ANKRD55: variants seen among roughly 807,000 people sequenced by gnomAD.
The protein encoded by ANKRD55 is ankyrin repeat domain-containing protein 55.
A neutral mutation model predicts 60.6 loss-of-function variants in ANKRD55; 41 were observed. The observed-to-expected ratio is 0.68, with a 90% confidence interval of 0.53 to 0.88. The LOEUF (loss-of-function observed/expected upper bound fraction) is 0.88. Ranked by LOEUF, ANKRD55 falls within the 40% of genes least tolerant of loss-of-function variation. The pLI is 0.00. For synonymous variants in ANKRD55, 264 were observed against 290.3 expected (o/e 0.91, Z 0.92); for missense variants, 732 against 767.6 (o/e 0.95, Z 0.55).
intron 2 of ANKRD55, among the ~76,000 whole-genome samples, chr5:56,200,383 A>G (rs899178020): frequency 6.6e-6 from 1 of 152,180 alleles, no homozygotes; most frequent in Non-Finnish European, 1.5e-5. Context: ...GGAAGAATAG[A>G]CAGCCTTAAG....
At chr5:56,102,004 T>TC (rs1554035649) in intron 11 of ANKRD55, among the ~76,000 whole-genome samples, 2 of 151,934 alleles carry the variant, frequency 1.3e-5, no homozygotes, top group Admixed American at 1.3e-4. Flanking sequence ...GTTATTTTTT[T>TC]AAAAAAAATA....
intron 7 of ANKRD55, among the ~76,000 whole-genome samples, chr5:56,134,629 A>G (rs909781629): frequency 6.6e-6 from 1 of 152,106 alleles, no homozygotes; most frequent in Non-Finnish European, 1.5e-5. Context: ...ATAACCTTCT[A>G]AAATGGAAAT....
intron 5 of ANKRD55, among the ~76,000 whole-genome samples, chr5:56,163,538 A>T (rs1758381615): frequency 6.6e-6 from 1 of 152,142 alleles, no homozygotes; most frequent in Non-Finnish European, 1.5e-5. Flanking sequence ...AGGTGCCAGT[A>T]CAGCAGGCTT....
rs375265508 is a variant in ANKRD55, at chr5:56,159,955, C to A, written c.423-62G>T. The A allele has an allele frequency of 7.3e-5, 107 of 1,471,076 alleles. No homozygotes were observed. The African/African-American group carries it at 1.4e-3, about 19-fold the overall frequency. The allele number at this position is 1,471,076 out of a possible 1,614,324, so 91.1% of individuals were successfully genotyped here. On this transcript the variant is annotated intron_variant, in intron 5 of 11. Coordinates refer to ENST00000341048, the MANE Select transcript of ANKRD55 (RefSeq NM_024669.3). ...CAGGCAGTCACGGTGCTCTTGGAAT[C>A]GGTATAAAAACATGACCTTAGAAAA...
intron 4 of ANKRD55, among the ~76,000 whole-genome samples, chr5:56,173,961 C>G (rs896087518): frequency 1.3e-5 from 2 of 152,114 alleles, no homozygotes; most frequent in Non-Finnish European, 2.9e-5. Flanking sequence ...CGACATTTTT[C>G]TTTAATTCTT....
intron 11 of ANKRD55, among the ~76,000 whole-genome samples, chr5:56,101,922 A>C (rs1323741066): frequency 2.0e-5 from 3 of 152,172 alleles, no homozygotes. Context: ...AAAGACATTA[A>C]ATAATACATG....
intron 11 of ANKRD55, among the ~76,000 whole-genome samples, chr5:56,102,097 G>T (rs1489734767): frequency 1.3e-5 from 2 of 152,088 alleles, no homozygotes; most frequent in Non-Finnish European, 2.9e-5. Context: ...CTTGAAAAAT[G>T]AAAGTAGGGC....
chr5:56,125,163 G>C lies in ANKRD55; in HGVS notation c.797+1759C>G, dbSNP rs143336460. On this transcript the variant is annotated intron_variant, in intron 8 of 11. Transcript: ENST00000341048. ...CCCTCAGCCTGCCTTTCTGAAATTT[G>C]TTCTTTTTTTAAAAAATGGTTAATT... 4.2e-3 allele frequency among the ~76,000 whole-genome samples: 631 copies of C among 152,044 alleles called. 4 individuals are homozygous for C. Among genetic ancestry groups the C allele is most frequent in the African/African-American group, 0.012 (509 of 41,460 alleles).
chr5:56,194,753 G>T (rs1759191488), intron 2 of ANKRD55, among the ~76,000 whole-genome samples: 1 of 152,114 alleles, frequency 6.6e-6, no homozygotes. Context: ...TTTACCCATT[G>T]TTAATTATGG....
At chr5:56,104,150 T>A (rs2111656271) in intron 10 of ANKRD55, among the ~76,000 whole-genome samples, 1 of 152,380 alleles carries the variant, frequency 6.6e-6, no homozygotes, top group East Asian at 1.9e-4. Flanking sequence ...ATAATAATTT[T>A]GAGTTATGTT....
chr5:56,111,033 G>A (rs1243848787), intron 10 of ANKRD55, 85 bp downstream of exon 10: 1 of 1,466,030 alleles, frequency 6.8e-7, no homozygotes, highest in Non-Finnish European at 9.2e-7. Flanking sequence ...CTAGGCTATT[G>A]TCACTCCAGT....
chr5:56,232,813 A>G (rs1229750481), intron 2 of ANKRD55, 43 bp downstream of exon 2: 9 of 1,578,508 alleles, frequency 5.7e-6, no homozygotes, highest in Non-Finnish European at 7.8e-6. Context: ...CCATGAGACT[A>G]AGGATGCTAA....
chr5:56,103,837 A>C (rs1373966304), intron 10 of ANKRD55, among the ~76,000 whole-genome samples: 6 of 152,228 alleles, frequency 3.9e-5, no homozygotes, highest in Admixed American at 1.3e-4. Context: ...TAGCATAAGA[A>C]AAAAAGAAAA....
chr5:56,103,097 C>T (rs1297078735), intron 10 of ANKRD55, among the ~76,000 whole-genome samples: 2 of 152,200 alleles, frequency 1.3e-5, no homozygotes, highest in Non-Finnish European at 2.9e-5. Flanking sequence ...AGCTGTTTAT[C>T]AGCTCCCAGC....
intron 9 of ANKRD55, 123 bp downstream of exon 9, chr5:56,116,492 A>C: frequency 1.2e-6 from 1 of 808,616 alleles, no homozygotes; most frequent in Non-Finnish European, 1.7e-6. Context: ...ATGTAACATT[A>C]ATTATATTAT....
chr5:56,160,002 A>T (rs561389080), intron 5 of ANKRD55, 109 bp from the exon 6 acceptor site: 1 of 870,062 alleles, frequency 1.1e-6, no homozygotes, highest in African/African-American at 1.7e-5. Context: ...AAAGACTCCA[A>T]ATGAAGATGA....
intron 10 of ANKRD55, among the ~76,000 whole-genome samples, chr5:56,109,563 G>T (rs1756607420): frequency 6.6e-6 from 1 of 150,938 alleles, no homozygotes; most frequent in Admixed American, 6.6e-5. Flanking sequence ...TAGAGATGGG[G>T]ATCCTGCTAC....
intron 10 of ANKRD55, among the ~76,000 whole-genome samples, chr5:56,110,790 G>T (rs967908255): frequency 6.6e-6 from 1 of 152,166 alleles, no homozygotes; most frequent in African/African-American, 2.4e-5. Flanking sequence ...CTCCTCACAG[G>T]TATTTGCCAC....
chr5:56,190,643 A>G (rs574856409), intron 2 of ANKRD55, among the ~76,000 whole-genome samples: 156 of 152,288 alleles, frequency 1.0e-3, no homozygotes, highest in African/African-American at 3.3e-3. Context: ...TTTATAAATA[A>G]ACTTATTTGG....
Sources: allele counts gnomAD v4.1 joint callset (sites outside exome capture counted in the v4.1 genomes callset), GRCh38; gene constraint gnomAD v4.1.1; transcripts MANE v1.5; gene names NCBI Gene and HGNC (gene_info 2026-07-23, HGNC 2026-07-21).